Variants in SASS6 observed in about 807,000 individuals in gnomAD.
SASS6 encodes spindle assembly abnormal protein 6 homolog.
A neutral mutation model predicts 94.9 loss-of-function variants in SASS6; 59 were observed. The ratio of observed to expected loss-of-function variants is 0.62; its 90% CI spans 0.50 to 0.77. The LOEUF (loss-of-function observed/expected upper bound fraction) is 0.77, where lower values mean the gene tolerates loss of function less well. SASS6 is among the 30% of genes least tolerant of loss of function. The probability of loss-of-function intolerance (pLI) is 0.00; values close to 1 mark genes in which losing one functional copy is unlikely to be tolerated. For synonymous variants in SASS6, 264 were observed against 270.0 expected, an observed-to-expected ratio of 0.98 and a Z score of 0.22; for missense variants, 698 against 734.1, an observed-to-expected ratio of 0.95 and a Z score of 0.57.
chr1:100,106,940 G>T lies in SASS6; in HGVS notation c.1380C>A (p.Ser460Arg). 7.1e-7 allele frequency: 1 copy of T among 1,406,636 alleles called. No homozygotes were observed. Among genetic ancestry groups the T allele is most frequent in the Non-Finnish European group, 1.0e-6 (1 of 995,958 alleles). The allele number at this position is 1,406,636 out of a possible 1,614,324, so 87.1% of individuals were successfully genotyped here. Residue 460 changes from serine to arginine, a missense_variant, in exon 12 of 17, where the codon AGC becomes AGA. By Grantham distance (110) the Ser-to-Arg change is moderately radical. Coordinates refer to ENST00000287482, the MANE Select transcript of SASS6 (RefSeq NM_194292.3). ...LEATVKKLEE[S>R]KQLLKNNEKL... ...TTTCATTATTTTTTAGAAGTTGTTT[G>T]CTTTCTTCAAGTTTTTTAACTGTAG...
At position 100,085,408 on chromosome 1, in the gene SASS6, C is replaced by T; in HGVS notation, c.1894G>A (p.Ala632Thr). The T allele has an allele frequency of 6.2e-7, 1 of 1,613,168 alleles. No homozygotes were observed. Among genetic ancestry groups the T allele is most frequent in the East Asian group, 2.2e-5 (1 of 44,862 alleles). The stretch of plus-strand genomic sequence containing the variant: ...GTGGGTTTGGAAGATGTATGTAATG[C>T]TCCTAAAGTGCCATCTCTCTGATGG... ...SDHQRDGTLG[A>T]LHTSSKPTAL... Residue 632 changes from alanine to threonine, a missense_variant, in exon 17 of 17, where the codon GCA (alanine) becomes ACA (threonine). By Grantham distance (58) the Ala-to-Thr change is moderately conservative. Transcript: ENST00000287482.
At chr1:100,106,410 T>C (rs1652910707) in intron 12 of SASS6, among the ~76,000 whole-genome samples, 1 of 152,222 alleles carries the variant, frequency 6.6e-6, no homozygotes. Context: ...TGGTTTTCTT[T>C]ATAAAGATGA....
chr1:100,112,479 T>A (rs891638626), intron 7 of SASS6, among the ~76,000 whole-genome samples: 10 of 152,272 alleles, frequency 6.6e-5, no homozygotes, highest in African/African-American at 2.4e-4. Context: ...TATATTTTTT[T>A]AAATGGAGGT....
intron 6 of SASS6, among the ~76,000 whole-genome samples, chr1:100,120,140 T>C (rs774793697): frequency 2.0e-5 from 3 of 152,172 alleles, no homozygotes; most frequent in African/African-American, 4.8e-5. Flanking sequence ...AACATACATA[T>C]CTTATTTAAT....
intron 7 of SASS6, among the ~76,000 whole-genome samples, chr1:100,116,685 G>A (rs879755903): frequency 1.3e-5 from 2 of 152,058 alleles, no homozygotes; most frequent in Non-Finnish European, 2.9e-5. Context: ...ACAATAAAAG[G>A]AAACAATAGA....
chr1:100,106,869 T>C, intron 12 of SASS6, 43 bp downstream of exon 12: 1 of 870,086 alleles, frequency 1.1e-6, no homozygotes, highest in Non-Finnish European at 1.9e-6. Context: ...AATAAAAGAA[T>C]AAAACTACAA....
chr1:100,091,494 A>G (rs149720206), intron 14 of SASS6, among the ~76,000 whole-genome samples: 5 of 152,252 alleles, frequency 3.3e-5, no homozygotes, highest in African/African-American at 1.2e-4. Flanking sequence ...TAAGCAACTC[A>G]TAAGGGAAAA....
intron 7 of SASS6, among the ~76,000 whole-genome samples, chr1:100,112,894 C>A (rs1170121751): frequency 6.6e-6 from 1 of 152,186 alleles, no homozygotes; most frequent in Non-Finnish European, 1.5e-5. Context: ...CATTCTAATG[C>A]ACCCTTCAAA....
At chr1:100,120,516 C>T in intron 5 of SASS6, 57 bp from the exon 6 acceptor site, 1 of 797,198 alleles carries the variant, frequency 1.3e-6, no homozygotes, top group Non-Finnish European at 2.2e-6. Context: ...TATAGCCATG[C>T]TACTCAAAGT....
chr1:100,104,034 A>G (rs187757045), intron 13 of SASS6, among the ~76,000 whole-genome samples: 3 of 152,326 alleles, frequency 2.0e-5, no homozygotes, highest in African/African-American at 4.8e-5. Flanking sequence ...TGATTTAAGA[A>G]AAAGTTTAAG....
At chr1:100,129,150 G>A (rs1206030844) in intron 1 of SASS6, among the ~76,000 whole-genome samples, 1 of 151,890 alleles carries the variant, frequency 6.6e-6, no homozygotes, top group Non-Finnish European at 1.5e-5. Flanking sequence ...TGAAGCAGGA[G>A]AGCTTAAGAC....
intron 14 of SASS6, among the ~76,000 whole-genome samples, chr1:100,095,941 A>G (rs1652075720): frequency 6.6e-6 from 1 of 152,214 alleles, no homozygotes; most frequent in Non-Finnish European, 1.5e-5. Flanking sequence ...CTTAATATTC[A>G]TGGATTGGAA....
chr1:100,085,701 T>C, intron 15 of SASS6, 71 bp from the exon 16 acceptor site: 3 of 830,752 alleles, frequency 3.6e-6, no homozygotes, highest in South Asian at 1.5e-5. Context: ...CTCATATGTA[T>C]ACATATATAT....
intron 7 of SASS6, among the ~76,000 whole-genome samples, chr1:100,112,525 G>C (rs1265912269): frequency 6.6e-6 from 1 of 152,034 alleles, no homozygotes; most frequent in Non-Finnish European, 1.5e-5. Flanking sequence ...TAAACATAAA[G>C]AGAAATAAAA....
At chr1:100,120,610 C>T (rs1013423995) in intron 5 of SASS6, 151 bp from the exon 6 acceptor site, 3 of 556,506 alleles carry the variant, frequency 5.4e-6, no homozygotes, top group East Asian at 3.0e-5. Context: ...TAACAAGATC[C>T]CCAGATAATT....
intron 7 of SASS6, among the ~76,000 whole-genome samples, chr1:100,110,736 T>C (rs1653261093): frequency 6.6e-6 from 1 of 151,988 alleles, no homozygotes; most frequent in Non-Finnish European, 1.5e-5. Context: ...TTGCTTCTTC[T>C]AAATCCATAT....
chr1:100,108,273 C>CT (rs1038076754), intron 8 of SASS6, among the ~76,000 whole-genome samples: 5 of 151,892 alleles, frequency 3.3e-5, no homozygotes, highest in Non-Finnish European at 7.4e-5. Context: ...AACTTTAAAA[C>CT]TTTTAACAAT....
At chr1:100,095,616 T>C (rs1652051490) in intron 14 of SASS6, among the ~76,000 whole-genome samples, 1 of 152,058 alleles carries the variant, frequency 6.6e-6, no homozygotes, top group Non-Finnish European at 1.5e-5. Context: ...GCAACCACAT[T>C]GGAAAGGAAG....
chr1:100,113,907 C>T (rs1375778195), intron 7 of SASS6, among the ~76,000 whole-genome samples: 4 of 151,844 alleles, frequency 2.6e-5, no homozygotes, highest in Admixed American at 2.0e-4. Context: ...ACCAGTAGTC[C>T]CTGCTACTCT....
Sources: allele counts gnomAD v4.1 joint callset (sites outside exome capture counted in the v4.1 genomes callset), GRCh38; gene constraint gnomAD v4.1.1; transcripts MANE v1.5; gene names NCBI Gene and HGNC (gene_info 2026-07-23, HGNC 2026-07-21).